The following SDK2 variants were observed in gnomAD, a reference collection of about 807,000 sequenced individuals.
SDK2 encodes protein sidekick-2.
A neutral mutation model predicts 253.9 loss-of-function variants in SDK2; 105 were observed. The ratio of observed to expected loss-of-function variants is 0.41; its 90% CI spans 0.35 to 0.49. The LOEUF (loss-of-function observed/expected upper bound fraction) is 0.49, where lower values mean the gene tolerates loss of function less well. Among genes scored for constraint, SDK2 ranks in the 20% least tolerant of loss-of-function variants. The pLI is 0.06. For missense variants in SDK2, 2,608 were observed against 3,003.0 expected, an observed-to-expected ratio of 0.87 and a Z score of 3.07; for synonymous variants, 1,249 against 1,234.9, an observed-to-expected ratio of 1.01 and a Z score of -0.24.
At chr17:73,485,173 C>T (rs183990432) in intron 2 of SDK2, among the ~76,000 whole-genome samples, 118 of 152,144 alleles carry the variant, frequency 7.8e-4, no homozygotes, top group African/African-American at 2.4e-3. Context: ...TAGAGATGGG[C>T]GGGACTTGGT....
Position 73,644,042 on chromosome 17 carries a change from C to T in SDK2, c.47G>A (p.Arg16His). 5 of 1,550,454 alleles carry T rather than the reference C, an allele frequency of 3.2e-6. No homozygotes were observed. The highest frequency in any genetic ancestry group is 4.4e-6 in the Non-Finnish European group (5 of 1,146,578). ...CTCCTTACCTTGGGCTCTGGCCGCGCGGATCTGATGCAGAGCTAGCAGTGT... is the reference window on the plus strand; with the variant it reads ...CTCCTTACCTTGGGCTCTGGCCGCGTGGATCTGATGCAGAGCTAGCAGTGT... Reference protein sequence around the residue: ...IWTLLALHQIRAARAQDDVSP... With the variant: ...IWTLLALHQIHAARAQDDVSP... The change falls in exon 1 of 45, where the codon CGC becomes CAC. Residue 16 changes from arginine (R) to histidine (H), a missense_variant. Coordinates refer to ENST00000392650, the MANE Select transcript of SDK2 (RefSeq NM_001144952.2). This position sits in a 1 kb window ranked among gnomAD's most constrained non-coding sequence, Gnocchi z 6.3.
intron 1 of SDK2, among the ~76,000 whole-genome samples, chr17:73,627,422 G>A (rs1008618311): frequency 2.6e-5 from 4 of 152,156 alleles, no homozygotes; most frequent in Admixed American, 6.5e-5. Flanking sequence ...TTTCAGCGAC[G>A]CCTCCTTCCA....
intron 1 of SDK2, among the ~76,000 whole-genome samples, chr17:73,611,973 C>T (rs2045980708): frequency 6.6e-6 from 1 of 152,130 alleles, no homozygotes; most frequent in Non-Finnish European, 1.5e-5. Context: ...GTCACAGAGA[C>T]TGTAAGTACC....
intron 36 of SDK2, among the ~76,000 whole-genome samples, chr17:73,372,451 T>A (rs1483091161): frequency 6.6e-6 from 1 of 152,226 alleles, no homozygotes; most frequent in East Asian, 1.9e-4. Flanking sequence ...GCTGGATGAA[T>A]AAATGCCTTA....
intron 36 of SDK2, among the ~76,000 whole-genome samples, chr17:73,376,378 A>C (rs538442790): frequency 2.9e-5 from 4 of 138,278 alleles, no homozygotes; most frequent in African/African-American, 1.2e-4. Flanking sequence ...CAACTGAAAG[A>C]CTGGAGCTCT....
At chr17:73,619,413 T>C (rs1268343586) in intron 1 of SDK2, among the ~76,000 whole-genome samples, 1 of 151,844 alleles carries the variant, frequency 6.6e-6, no homozygotes, top group Non-Finnish European at 1.5e-5. Context: ...CAGAGACCGG[T>C]GTAACAGAAC....
chr17:73,531,564 C>A (rs954573524), intron 1 of SDK2, among the ~76,000 whole-genome samples: 11 of 152,182 alleles, frequency 7.2e-5, no homozygotes, highest in Non-Finnish European at 1.6e-4. Context: ...AACTGGCAAG[C>A]CACCCCTGCC....
chr17:73,427,292 C>G lies in SDK2; in HGVS notation c.1584-3200G>C, dbSNP rs527997619. Among the ~76,000 whole-genome samples, 6 of 152,278 alleles carry G rather than the reference C, an allele frequency of 3.9e-5. No individual in the cohort carries two copies. The East Asian group carries it at 1.2e-3, about 29-fold the overall frequency. ...ACAACACTGTGAGACAGCAGCCAGG[C>G]CAATCCAGAGTGTTGAATATTCCAT... is the stretch of plus-strand genomic sequence containing the variant. On this transcript the variant is annotated intron_variant, in intron 12 of 44. Transcript: ENST00000392650.
At position 73,419,195 on chromosome 17, in the gene SDK2, C is replaced by G. The variant is rs1482324154; in HGVS notation, c.2157G>C (p.Gln719His). ...TGATGTAACCCTTGAGAATTCCATT[C>G]TGGTGGCTCTCAGGAGGCGGCTGCC... ...IQWQPPPESH[Q>H]NGILKGYIIR... Residue 719 changes from glutamine (Q) to histidine (H), a missense_variant, in exon 16 of 45, where the codon CAG becomes CAC. Around this residue, in one of 2 missense-constraint regions of SDK2, gnomAD observed 1,505 missense variants for 1,859.1 expected, o/e 0.81. Coordinates refer to ENST00000392650, the MANE Select transcript of SDK2 (RefSeq NM_001144952.2). 1 of 1,612,356 alleles carries G rather than the reference C, an allele frequency of 6.2e-7. No homozygotes were observed. The highest frequency in any genetic ancestry group is 1.3e-5 in the African/African-American group (1 of 75,016).
intron 1 of SDK2, among the ~76,000 whole-genome samples, chr17:73,621,355 T>C (rs1463586868): frequency 2.0e-5 from 3 of 152,232 alleles, no homozygotes; most frequent in Admixed American, 1.3e-4. Flanking sequence ...TAATAGAATC[T>C]AGATTCTCTC....
At chr17:73,436,588 A>AAT (rs571962367) in intron 8 of SDK2, among the ~76,000 whole-genome samples, 26,170 of 141,924 alleles carry the variant, frequency 0.18, 3,118 homozygotes, top group East Asian at 0.32. Flanking sequence ...AAAAAAAAAA[A>AAT]AAAAAAAAAA....
rs564896746 is a variant in SDK2, at chr17:73,551,809, C to T, written c.65-44212G>A. Among the ~76,000 whole-genome samples the T allele has an allele frequency of 8.5e-5, 13 of 152,294 alleles. No homozygotes were observed. The East Asian group carries it at 2.3e-3, about 27-fold the overall frequency. On this transcript the variant is annotated intron_variant, in intron 1 of 44. Transcript: ENST00000392650. ...GCAGGGGGACCTTCAGACCACCCCA[C>T]CCCGCTGCTTTCCAAACTCAGCTTC...
intron 4 of SDK2, among the ~76,000 whole-genome samples, chr17:73,449,208 A>T (rs1342157610): frequency 6.6e-6 from 1 of 152,180 alleles, no homozygotes; most frequent in Non-Finnish European, 1.5e-5. Flanking sequence ...AGCGCCACCC[A>T]CACCGGCTCT....
At chr17:73,531,858 C>T (rs555650974) in intron 1 of SDK2, among the ~76,000 whole-genome samples, 5 of 152,316 alleles carry the variant, frequency 3.3e-5, no homozygotes, top group African/African-American at 1.2e-4. Flanking sequence ...TCCCCCAGGC[C>T]TTCACTCCTG....
intron 1 of SDK2, among the ~76,000 whole-genome samples, chr17:73,560,741 G>A (rs561869474): frequency 8.2e-4 from 125 of 152,292 alleles, no homozygotes; most frequent in Non-Finnish European, 7.6e-4. Flanking sequence ...CCAAGCACCC[G>A]CATGTTGGTG....
intron 1 of SDK2, among the ~76,000 whole-genome samples, chr17:73,589,789 T>C (rs2045656983): frequency 6.6e-6 from 1 of 152,174 alleles, no homozygotes. Flanking sequence ...AGCCGCACAT[T>C]TGGTTTTGAG....
intron 12 of SDK2, 93 bp from the exon 13 acceptor site, chr17:73,424,185 A>C: frequency 9.0e-7 from 1 of 1,110,152 alleles, no homozygotes; most frequent in Non-Finnish European, 1.3e-6. Flanking sequence ...AATAGCTCCA[A>C]AGCTGGGCAG....
chr17:73,399,180 C>T lies in SDK2; in HGVS notation c.3081G>A (p.Leu1027=). The change falls in exon 22 of 45, where the codon CTG becomes CTA. Residue 1027 remains leucine (L), a synonymous_variant. Transcript: ENST00000392650. ...YDGKTSISRW[L]VEAQVGVVGE... ...AGGCCTGCCCTACCTGGGCTTCCACCAGCCAGCGGGAGATGGAGGTTTTCC... is the reference window on the plus strand; with the variant it reads ...AGGCCTGCCCTACCTGGGCTTCCACTAGCCAGCGGGAGATGGAGGTTTTCC... 1 of 1,613,736 alleles carries T rather than the reference C, an allele frequency of 6.2e-7. No individual in the cohort carries two copies. The highest frequency in any genetic ancestry group is 1.3e-5 in the African/African-American group (1 of 75,058).
Position 73,601,868 on chromosome 17 carries a change from C to T in SDK2, c.64+42157G>A, listed in dbSNP as rs28533868. ...AAGTGATTCTCCTGCCTCAGGCTCCCGAGTAGCTGGGATTACAGGCACCCA... is the reference window on the plus strand; with the variant it reads ...AAGTGATTCTCCTGCCTCAGGCTCCTGAGTAGCTGGGATTACAGGCACCCA... On this transcript the variant is annotated intron_variant, in intron 1 of 44. Coordinates refer to ENST00000392650, the MANE Select transcript of SDK2 (RefSeq NM_001144952.2). Among the ~76,000 whole-genome samples, 1,093 of 152,178 alleles carry T rather than the reference C, an allele frequency of 7.2e-3. 13 individuals are homozygous for T. Among genetic ancestry groups the T allele is most frequent in the African/African-American group, 0.023 (954 of 41,522 alleles).
Sources: allele counts gnomAD v4.1 joint callset (sites outside exome capture counted in the v4.1 genomes callset), GRCh38; gene constraint gnomAD v4.1.1; regional missense constraint gnomAD v4.1.1; non-coding constraint Gnocchi (gnomAD v3.1); transcripts MANE v1.5; gene names NCBI Gene and HGNC (gene_info 2026-07-23, HGNC 2026-07-21).